SLC4A10: variants seen among roughly 807,000 people sequenced by gnomAD.
SLC4A10 encodes sodium-driven chloride bicarbonate exchanger.
A neutral mutation model predicts 137.7 loss-of-function variants in SLC4A10; 42 were observed. The observed-to-expected ratio is 0.30, with a 90% CI of 0.24 to 0.39. The LOEUF is 0.39. SLC4A10 is among the 10% of genes least tolerant of loss of function. The probability of loss-of-function intolerance (pLI) is 1.00; values close to 1 mark genes in which losing one functional copy is unlikely to be tolerated. For missense variants in SLC4A10, 925 were observed against 1,355.0 expected, an observed-to-expected ratio of 0.68 and a Z score of 4.98; for synonymous variants, 474 against 464.1, an observed-to-expected ratio of 1.02 and a Z score of -0.27.
intron 1 of SLC4A10, among the ~76,000 whole-genome samples, chr2:161,724,734 C>T (rs990113017): frequency 2.0e-5 from 3 of 152,148 alleles, no homozygotes; most frequent in Non-Finnish European, 2.9e-5. Flanking sequence ...CCATTGCCCC[C>T]TCATTTATGT....
At chr2:161,895,301 C>G (rs1273805950) in intron 11 of SLC4A10, among the ~76,000 whole-genome samples, 1 of 152,058 alleles carries the variant, frequency 6.6e-6, no homozygotes, top group Non-Finnish European at 1.5e-5. Context: ...TTTTCTTAAT[C>G]CAGTCTATCA....
chr2:161,964,384 A>C (rs1697229591), intron 22 of SLC4A10, 76 bp downstream of exon 22: 2 of 1,430,666 alleles, frequency 1.4e-6, no homozygotes, highest in African/African-American at 2.8e-5. Context: ...ACATGAATTG[A>C]AACTGGAACA....
At chr2:161,746,756 T>A (rs1050632340) in intron 1 of SLC4A10, among the ~76,000 whole-genome samples, 1 of 152,120 alleles carries the variant, frequency 6.6e-6, no homozygotes, top group African/African-American at 2.4e-5. Context: ...ACCTGGCTTC[T>A]GCTGTTGTTT....
At chr2:161,679,370 T>A (rs2040599755) in intron 1 of SLC4A10, among the ~76,000 whole-genome samples, 1 of 152,126 alleles carries the variant, frequency 6.6e-6, no homozygotes. Flanking sequence ...TGCTAAGTAC[T>A]TAGTAGTGTA....
chr2:161,908,296 C>T (rs1389016295), intron 15 of SLC4A10, among the ~76,000 whole-genome samples: 1 of 151,570 alleles, frequency 6.6e-6, no homozygotes, highest in Non-Finnish European at 1.5e-5. Context: ...AAAAGAGATA[C>T]CTGGTAGCTT....
intron 16 of SLC4A10, among the ~76,000 whole-genome samples, chr2:161,946,287 T>C (rs1368728594): frequency 6.6e-6 from 1 of 152,034 alleles, no homozygotes; most frequent in Non-Finnish European, 1.5e-5. Flanking sequence ...ATTAACTATA[T>C]TTCTCAAGAC....
chr2:161,641,760 C>A (rs182030112), intron 1 of SLC4A10, among the ~76,000 whole-genome samples: 91 of 152,016 alleles, frequency 6.0e-4, no homozygotes, highest in African/African-American at 1.8e-3. Flanking sequence ...CCAGTAAAGA[C>A]CATTTGTGTA....
intron 1 of SLC4A10, among the ~76,000 whole-genome samples, chr2:161,696,799 A>C (rs1231362728): frequency 6.6e-6 from 1 of 152,148 alleles, no homozygotes; most frequent in Non-Finnish European, 1.5e-5. Flanking sequence ...AGCATGATTT[A>C]TAATCCTTTT....
intron 1 of SLC4A10, among the ~76,000 whole-genome samples, chr2:161,673,946 C>T (rs572090873): frequency 7.2e-5 from 11 of 152,222 alleles, no homozygotes; most frequent in East Asian, 1.9e-4. Flanking sequence ...GCTGAGATCA[C>T]GCCACTGTCC....
chr2:161,888,184 C>A (rs187272931), intron 10 of SLC4A10, among the ~76,000 whole-genome samples: 1 of 150,522 alleles, frequency 6.6e-6, no homozygotes, highest in Admixed American at 6.6e-5. Flanking sequence ...ATACAAGTGC[C>A]CTGTGGTTTT....
chr2:161,674,518 G>T (rs1220667920), intron 1 of SLC4A10, among the ~76,000 whole-genome samples: 1 of 152,110 alleles, frequency 6.6e-6, no homozygotes, highest in East Asian at 1.9e-4. Flanking sequence ...TCATCTTTCT[G>T]TAATAGAAGA....
At chr2:161,898,413 A>G (rs2063739573) in intron 11 of SLC4A10, among the ~76,000 whole-genome samples, 1 of 152,176 alleles carries the variant, frequency 6.6e-6, no homozygotes, top group Non-Finnish European at 1.5e-5. Context: ...TGTTTTAAAA[A>G]TATATGTTGT....
In SLC4A10 at chr2:161,684,134, T is replaced by C. The variant is rs558976633; in HGVS notation, c.48+59568T>C. On this transcript the variant is annotated intron_variant, in intron 1 of 26. Coordinates refer to ENST00000446997, the MANE Select transcript of SLC4A10 (RefSeq NM_001178015.2). ...AGTAATTCATATAAGTGGAATCATATAGTACTTGTCCTTTTTGTGTGTGGC... is the reference window on the plus strand; with the variant it reads ...AGTAATTCATATAAGTGGAATCATACAGTACTTGTCCTTTTTGTGTGTGGC... Among the ~76,000 whole-genome samples, 52 of 152,300 alleles carry C rather than the reference T, an allele frequency of 3.4e-4. 1 individual carries two copies. Among genetic ancestry groups the C allele is most frequent in the African/African-American group, 1.3e-3 (52 of 41,572 alleles).
At chr2:161,628,829 A>C (rs1305361281) in intron 1 of SLC4A10, among the ~76,000 whole-genome samples, 2 of 151,978 alleles carry the variant, frequency 1.3e-5, no homozygotes, top group East Asian at 1.9e-4. Flanking sequence ...ATAAGTATTG[A>C]GTTTACTTAT....
intron 3 of SLC4A10, among the ~76,000 whole-genome samples, chr2:161,838,906 T>C (rs1158046269): frequency 2.0e-5 from 3 of 152,226 alleles, no homozygotes; most frequent in South Asian, 2.1e-4. Context: ...AGTTTGGCAG[T>C]GTCTCAGAAA....
At chr2:161,768,167 C>A (rs144297009) in intron 1 of SLC4A10, among the ~76,000 whole-genome samples, 2 of 152,094 alleles carry the variant, frequency 1.3e-5, no homozygotes, top group Admixed American at 6.6e-5. Flanking sequence ...ATCTATTTTT[C>A]TTTCAATTAT....
intron 5 of SLC4A10, among the ~76,000 whole-genome samples, chr2:161,861,526 G>C (rs1000164610): frequency 1.3e-5 from 2 of 152,058 alleles, no homozygotes; most frequent in Non-Finnish European, 2.9e-5. Context: ...ATTGTTTTAT[G>C]TAGTTTAATT....
chr2:161,637,085 ATACATATACGTATATACGTATT>A (rs2034531803), intron 1 of SLC4A10, among the ~76,000 whole-genome samples: 1 of 125,218 alleles, frequency 8.0e-6, no homozygotes, highest in South Asian at 2.4e-4. Flanking sequence ...AAATACGTAT[ATACATATACGTATATACGTATT>A]TATGTATATA....
At chr2:161,930,018 C>A (rs1205067669) in intron 15 of SLC4A10, among the ~76,000 whole-genome samples, 1 of 151,918 alleles carries the variant, frequency 6.6e-6, no homozygotes. Flanking sequence ...ACTTCTGTAC[C>A]CTGTCATCTC....
Sources: allele counts gnomAD v4.1 joint callset (sites outside exome capture counted in the v4.1 genomes callset), GRCh38; gene constraint gnomAD v4.1.1; transcripts MANE v1.5; gene names NCBI Gene and HGNC (gene_info 2026-07-23, HGNC 2026-07-21).